ARID1A: variants seen among roughly 807,000 people sequenced by gnomAD.
ARID1A encodes the protein AT-rich interaction domain 1A, also known as AT-rich interactive domain-containing protein 1A.
ARID1A carries 20 observed loss-of-function variants against 212.6 expected under a neutral mutation model. The observed-to-expected ratio is 0.09, with a 90% confidence interval of 0.07 to 0.14. The LOEUF (loss-of-function observed/expected upper bound fraction) is 0.14, where lower values mean the gene tolerates loss of function less well. Ranked by LOEUF, ARID1A falls within the 10% of genes least tolerant of loss-of-function variation. ARID1A has a pLI of 1.00. For missense variants in ARID1A, 2,587 were observed against 3,059.0 expected (o/e 0.85, Z 3.64); for synonymous variants, 1,376 against 1,222.1 (o/e 1.13, Z -2.63).
intron 8 of ARID1A, chr1:26,765,315 T>C (rs2081028920): frequency 6.6e-6 from 1 of 151,376 alleles, no homozygotes. Context: ...TGAAACCCTG[T>C]CTCTACTAAT....
chr1:26,772,302 A>G (rs2081089236), intron 12 of ARID1A, 198 bp from the exon 13 acceptor site: 5 of 737,338 alleles, frequency 6.8e-6, no homozygotes, highest in Non-Finnish European at 1.1e-5. Flanking sequence ...CACGTAAAAC[A>G]AAAACAAAGA....
At chr1:26,726,423 C>T (rs1246639569) in intron 1 of ARID1A, among the ~76,000 whole-genome samples, 3 of 152,092 alleles carry the variant, frequency 2.0e-5, no homozygotes, top group Non-Finnish European at 4.4e-5. Flanking sequence ...GATCCACCTG[C>T]CTTGGCCTCC....
intron 4 of ARID1A, among the ~76,000 whole-genome samples, chr1:26,751,058 C>T (rs2080880183): frequency 6.6e-6 from 1 of 151,902 alleles, no homozygotes; most frequent in Admixed American, 6.6e-5. Flanking sequence ...AGTTCGAGAC[C>T]AACCTGATCA....
Position 26,696,416 on chromosome 1 carries a change from G to A in ARID1A, c.13G>A (p.Val5Ile), listed in dbSNP as rs960279959. 3 of 1,283,532 alleles carry A rather than the reference G, an allele frequency of 2.3e-6. No individual in the cohort carries two copies. Among genetic ancestry groups the A allele is most frequent in the African/African-American group, 1.6e-5 (1 of 63,080 alleles). The allele number at this position is 1,283,532 out of a possible 1,614,324, so 79.5% of individuals were successfully genotyped here. A position where few individuals can be genotyped will look rare whatever the true frequency, so the allele number is the denominator to read the frequency against. MAAQVAPAAASSLGN... is the reference protein window; with the variant it reads MAAQIAPAAASSLGN... Reference sequence around the variant, plus strand: ...GACAGCGGGGATCATGGCCGCGCAGGTCGCCCCCGCCGCCGCCAGCAGCCT... The same window carrying A: ...GACAGCGGGGATCATGGCCGCGCAGATCGCCCCCGCCGCCGCCAGCAGCCT... Residue 5 changes from valine to isoleucine, a missense_variant, in exon 1 of 20, where the codon GTC becomes ATC. By Grantham distance (29) the Val-to-Ile change is conservative (BLOSUM62 3). Coordinates refer to ENST00000324856, the MANE Select transcript of ARID1A (RefSeq NM_006015.6).
intron 7 of ARID1A, 88 bp from the exon 8 acceptor site, chr1:26,762,885 A>G (rs1475219341): frequency 7.8e-7 from 1 of 1,276,036 alleles, no homozygotes; most frequent in East Asian, 2.5e-5. Context: ...CAAAATATTG[A>G]ATGACATTGT....
At chr1:26,757,193 C>T (rs1192367280) in intron 4 of ARID1A, among the ~76,000 whole-genome samples, 19 of 148,760 alleles carry the variant, frequency 1.3e-4, no homozygotes, top group Non-Finnish European at 1.6e-4. Flanking sequence ...CCAGCCTAGG[C>T]GACAGACGGA....
rs2124789176 is a variant in ARID1A, at chr1:26,731,399, C to T, written c.1598C>T (p.Pro533Leu). 1 of 1,613,978 alleles carries T rather than the reference C, an allele frequency of 6.2e-7. No individual in the cohort carries two copies. Among genetic ancestry groups the T allele is most frequent in the Non-Finnish European group, 8.5e-7 (1 of 1,179,994 alleles). The part of the protein sequence containing the change: ...SQPPHQQSPA[P>L]YPSQQSTTQQ... ...CCTCCACATCAGCAGTCCCCGGCTC[C>T]ATACCCCTCCCAGCAGTCGACGACA... is the stretch of plus-strand genomic sequence containing the variant. Residue 533 changes from proline (P) to leucine (L), a missense_variant, in exon 3 of 20, where the codon CCA (proline) becomes CTA (leucine). By Grantham distance (98) the Pro-to-Leu change is moderately conservative (BLOSUM62 -3). Coordinates refer to ENST00000324856, the MANE Select transcript of ARID1A (RefSeq NM_006015.6).
Position 26,779,253 on chromosome 1 carries a change from T to A in ARID1A, c.5355T>A (p.Asp1785Glu), listed in dbSNP as rs1557619847. 2 of 1,614,116 alleles carry A rather than the reference T, an allele frequency of 1.2e-6. No individual in the cohort carries two copies. The highest frequency in any genetic ancestry group is 3.3e-5 in the Admixed American group (2 of 60,010). ...AAGAAGAGGAAGTAGTTGAAAATGA[T>A]GAGGAGATAGCCTTTTCAGGCAAGG... ...EEEEEEVVEN[D>E]EEIAFSGKDK... is the part of the protein sequence containing the mutation. The change falls in exon 20 of 20, where the codon GAT becomes GAA. Residue 1785 changes from aspartate (D) to glutamate (E), a missense_variant. Asp to Glu is a conservative substitution (Grantham distance 45). Around this residue, in one of 11 missense-constraint regions of ARID1A, gnomAD observed 890 missense variants for 1,098.2 expected, o/e 0.81. Transcript: ENST00000324856.
Position 26,772,387 on chromosome 1 carries a change from T to C in ARID1A, c.3407-113T>C, listed in dbSNP as rs999413237. 44 of 1,496,774 alleles carry C rather than the reference T, an allele frequency of 2.9e-5. No individual in the cohort carries two copies. The East Asian group carries it at 1.0e-3, about 34-fold the overall frequency. 92.7% of individuals were successfully genotyped at this position (1,496,774 alleles called of 1,614,324 possible). ...TCTGCTAAGAAGGGTGATCAGGCTT[T>C]AAAGGCCTTAGGAAGAACTTTCCCA... is the stretch of plus-strand genomic sequence containing the variant. On this transcript the variant is annotated intron_variant, in intron 12 of 19. Coordinates refer to ENST00000324856, the MANE Select transcript of ARID1A (RefSeq NM_006015.6).
intron 8 of ARID1A, chr1:26,764,914 T>G (rs2081024566): frequency 6.6e-6 from 1 of 152,206 alleles, no homozygotes; most frequent in South Asian, 2.1e-4. Flanking sequence ...TGAGCTATTG[T>G]GGCCGGGTGC....
chr1:26,697,883 T>G (rs2080292730), intron 1 of ARID1A, among the ~76,000 whole-genome samples: 2 of 151,820 alleles, frequency 1.3e-5, no homozygotes. Context: ...GGGCTCAGGT[T>G]AGGAGTGTAG....
At chr1:26,722,471 C>T (rs998441331) in intron 1 of ARID1A, among the ~76,000 whole-genome samples, 5 of 152,204 alleles carry the variant, frequency 3.3e-5, no homozygotes, top group Non-Finnish European at 5.9e-5. Flanking sequence ...GTCTCAAGCT[C>T]CTGACCTCAG....
At chr1:26,739,524 A>G (rs1258436948) in intron 4 of ARID1A, among the ~76,000 whole-genome samples, 1 of 152,210 alleles carries the variant, frequency 6.6e-6, no homozygotes, top group Non-Finnish European at 1.5e-5. Context: ...AAATTACTAG[A>G]CTAGGAAGCC....
At chr1:26,700,368 C>T (rs1438393771) in intron 1 of ARID1A, among the ~76,000 whole-genome samples, 1 of 152,158 alleles carries the variant, frequency 6.6e-6, no homozygotes, top group East Asian at 1.9e-4. Flanking sequence ...TTTGACTCTG[C>T]GCTTATGAAA....
At chr1:26,710,490 T>TACACAC (rs1291075615) in intron 1 of ARID1A, among the ~76,000 whole-genome samples, 112 of 9,698 alleles carry the variant, frequency 0.012, no homozygotes, top group African/African-American at 0.03. Context: ...AATAAAATAA[T>TACACAC]ACATACACAC....
In ARID1A at chr1:26,738,531, G is replaced by A. The variant is rs572634369; in HGVS notation, c.1920+5739G>A. 1.3e-4 allele frequency among the ~76,000 whole-genome samples: 20 copies of A among 152,182 alleles called. No homozygotes were observed. The South Asian group carries it at 3.9e-3, about 30-fold the overall frequency. ...ATGAACCTGAGCAGCATCCATTATA[G>A]TGCTCATTCAGGAAGTATACATCTG... is the stretch of plus-strand genomic sequence containing the variant. On this transcript the variant is annotated intron_variant, in intron 4 of 19. Transcript: ENST00000324856.
At chr1:26,707,211 T>TC (rs2124757999) in intron 1 of ARID1A, among the ~76,000 whole-genome samples, 1 of 142,630 alleles carries the variant, frequency 7.0e-6, no homozygotes, top group East Asian at 2.0e-4. Context: ...TTTTTTTTTT[T>TC]TTTTTTTTTT....
chr1:26,741,049 C>T (rs74062527), intron 4 of ARID1A, among the ~76,000 whole-genome samples: 1,897 of 152,274 alleles, frequency 0.012, 40 homozygotes, highest in African/African-American at 0.044. Flanking sequence ...TTGGGTAAGA[C>T]CTGAGTCTGG....
In ARID1A at chr1:26,775,057, G is replaced by C. The variant is rs1255113889; in HGVS notation, c.4830G>C (p.Gly1610=). The change falls in exon 18 of 20, where the codon GGG becomes GGC. Residue 1610 remains glycine, a synonymous_variant. Coordinates refer to ENST00000324856, the MANE Select transcript of ARID1A (RefSeq NM_006015.6). ...SPSKSPFLHS[G]MKMQKAGPPV... Reference sequence around the variant, plus strand: ...GCAAGTCTCCATTCCTGCACTCTGGGATGAAAATGCAGAAGGCAGGTCCCC... The same window carrying C: ...GCAAGTCTCCATTCCTGCACTCTGGCATGAAAATGCAGAAGGCAGGTCCCC... 1 of 1,613,134 alleles carries C rather than the reference G, an allele frequency of 6.2e-7. No individual in the cohort carries two copies. The highest frequency in any genetic ancestry group is 8.5e-7 in the Non-Finnish European group (1 of 1,179,686).
Sources: gnomAD v4.1 joint callset for allele counts (sites outside exome capture counted in the v4.1 genomes callset) on GRCh38, gnomAD v4.1.1 for gene constraint, gnomAD v4.1.1 regional missense constraint, MANE v1.5 for transcripts, NCBI Gene and HGNC (gene_info 2026-07-23, HGNC 2026-07-21) for gene names.